RPA2: variants seen among roughly 807,000 people sequenced by gnomAD.
RPA2 encodes replication protein A 32 kDa subunit.
A neutral mutation model predicts 33.4 loss-of-function variants in RPA2; 22 were observed. The ratio of observed to expected loss-of-function variants is 0.66; its 90% CI spans 0.47 to 0.94. The LOEUF (loss-of-function observed/expected upper bound fraction) is 0.94. Among genes scored for constraint, RPA2 ranks in the 40% least tolerant of loss-of-function variants. The pLI is 0.00. For synonymous variants in RPA2, 109 were observed against 114.9 expected, an observed-to-expected ratio of 0.95 and a Z score of 0.33; for missense variants, 279 against 329.9, an observed-to-expected ratio of 0.85 and a Z score of 1.19.
At chr1:27,914,625 A>C (rs773626515), upstream of RPA2, 1 of 1,613,870 alleles carries the variant, frequency 6.2e-7, no homozygotes, top group East Asian at 2.2e-5. Context: ...ATCGGTGCTC[A>C]CGGATGCTAC....
In RPA2 at chr1:27,907,256, G is replaced by A. The variant is rs889276630; in HGVS notation, c.144C>T (p.Pro48=). Residue 48 remains proline (P), a synonymous_variant, in exon 3 of 9, where the codon CCC becomes CCT. Transcript: ENST00000373912. ...CAGAAAGCAGCTGAGATATAGTACA[G>A]GGCACAATGTGCTGGGCTCGGGCTC... The part of the protein sequence containing the change: ...KSRARAQHIV[P]CTISQLLSAT... 6.2e-7 allele frequency: 1 copy of A among 1,612,776 alleles called. No individual in the cohort carries two copies. Among genetic ancestry groups the A allele is most frequent in the East Asian group, 2.2e-5 (1 of 44,860 alleles).
At chr1:27,892,960 G>C (rs550814633) in intron 8 of RPA2, among the ~76,000 whole-genome samples, 1 of 152,272 alleles carries the variant, frequency 6.6e-6, no homozygotes, top group South Asian at 2.1e-4. Context: ...TACTACACTG[G>C]AATCAGGAGG....
intron 2 of RPA2, among the ~76,000 whole-genome samples, chr1:27,913,101 T>A (rs2090120581): frequency 6.6e-6 from 1 of 151,866 alleles, no homozygotes; most frequent in Non-Finnish European, 1.5e-5. Context: ...TACAGGTGCC[T>A]GCCACCACGC....
In RPA2 at chr1:27,914,488, G is replaced by A. The variant is rs758689274; in HGVS notation, c.-45C>T. 3 of 1,594,010 alleles carry A rather than the reference G, an allele frequency of 1.9e-6. No homozygotes were observed. Among genetic ancestry groups the A allele is most frequent in the Admixed American group, 3.5e-5 (2 of 57,578 alleles). ...AAAGAGGCCGAGAAGGTGCGGGTCT[G>A]GGGGAATAGCGGAAAACCACAGAAC... On this transcript the variant is annotated 5_prime_UTR_variant, in exon 1 of 9. Coordinates refer to ENST00000373912, the MANE Select transcript of RPA2 (RefSeq NM_002946.5).
chr1:27,911,355 G>C (rs2090093797), intron 2 of RPA2, among the ~76,000 whole-genome samples: 1 of 152,034 alleles, frequency 6.6e-6, no homozygotes, highest in South Asian at 2.1e-4. Flanking sequence ...GTGACACCCT[G>C]TCTCCACAAA....
Position 27,892,861 on chromosome 1 carries a change from TTTC to T in RPA2, c.729-617_729-615del, listed in dbSNP as rs563337282. Among the ~76,000 whole-genome samples the T allele has an allele frequency of 2.1e-3, 325 of 152,340 alleles. 2 individuals carry two copies. Among genetic ancestry groups the T allele is most frequent in the African/African-American group, 7.4e-3 (309 of 41,578 alleles). On this transcript the variant is annotated intron_variant, in intron 8 of 8. Coordinates refer to ENST00000373912, the MANE Select transcript of RPA2 (RefSeq NM_002946.5). ...CAGGAAATGGAATCAGCCCTGAGCA[TTTC>T]TTATCTATCTAGGCCTGGCAGGTCA...
At chr1:27,906,096 G>A (rs535939020) in intron 4 of RPA2, among the ~76,000 whole-genome samples, 51 of 152,274 alleles carry the variant, frequency 3.3e-4, no homozygotes, top group Middle Eastern at 3.4e-3. Flanking sequence ...TAGGCCGGGC[G>A]TGAGGGCTCA....
chr1:27,904,464 A>G (rs1180367604), intron 4 of RPA2, among the ~76,000 whole-genome samples: 1 of 152,172 alleles, frequency 6.6e-6, no homozygotes, highest in Non-Finnish European at 1.5e-5. Flanking sequence ...GCTTGATGGC[A>G]GGGACTGTGT....
intron 2 of RPA2, among the ~76,000 whole-genome samples, chr1:27,910,240 A>ATACACCCCT (rs1283069495): frequency 6.6e-6 from 1 of 152,214 alleles, no homozygotes; most frequent in Non-Finnish European, 1.5e-5. Flanking sequence ...AACTGGGGAT[A>ATACACCCCT]TACACCTCTT....
At chr1:27,898,578 C>A (rs1355685418) in intron 4 of RPA2, among the ~76,000 whole-genome samples, 5 of 145,806 alleles carry the variant, frequency 3.4e-5, no homozygotes, top group Non-Finnish European at 7.5e-5. Flanking sequence ...AAGTGTCTTG[C>A]TCTGTCACCC....
At chr1:27,895,850 A>T (rs968059251) in intron 6 of RPA2, among the ~76,000 whole-genome samples, 3 of 152,284 alleles carry the variant, frequency 2.0e-5, no homozygotes, top group Non-Finnish European at 4.4e-5. Flanking sequence ...CTCCTTGCCT[A>T]CAACCCTCTC....
intron 2 of RPA2, among the ~76,000 whole-genome samples, chr1:27,913,520 G>A (rs1201385260): frequency 1.3e-5 from 2 of 151,534 alleles, no homozygotes; most frequent in Non-Finnish European, 2.9e-5. Context: ...CCTGGGAGGC[G>A]GAGGTTGCGG....
chr1:27,895,207 T>C (rs901204727), intron 6 of RPA2, among the ~76,000 whole-genome samples: 2 of 152,112 alleles, frequency 1.3e-5, no homozygotes, highest in African/African-American at 2.4e-5. Flanking sequence ...CAAATCCTCA[T>C]TGCCAGCCGG....
At chr1:27,910,864 A>G (rs1191177583) in intron 2 of RPA2, among the ~76,000 whole-genome samples, 2 of 152,090 alleles carry the variant, frequency 1.3e-5, no homozygotes, top group African/African-American at 4.8e-5. Context: ...CTCAATTTTA[A>G]AAGAAAAAAA....
At chr1:27,911,085 A>G (rs1411296164) in intron 2 of RPA2, among the ~76,000 whole-genome samples, 1 of 152,016 alleles carries the variant, frequency 6.6e-6, no homozygotes, top group East Asian at 1.9e-4. Context: ...GAATGGTGGC[A>G]TGCGCCTGTA....
intron 4 of RPA2, among the ~76,000 whole-genome samples, chr1:27,898,264 A>G (rs935004572): frequency 4.6e-5 from 7 of 152,240 alleles, no homozygotes; most frequent in African/African-American, 1.7e-4. Context: ...GATTTATCAT[A>G]GTATAGAATA....
intron 2 of RPA2, among the ~76,000 whole-genome samples, chr1:27,907,955 T>C (rs1016954480): frequency 6.6e-6 from 1 of 152,014 alleles, no homozygotes; most frequent in Non-Finnish European, 1.5e-5. Context: ...CTCAAGCGAT[T>C]CTCCTGGCTC....
At chr1:27,899,983 G>A (rs1365280881) in intron 4 of RPA2, among the ~76,000 whole-genome samples, 1 of 151,558 alleles carries the variant, frequency 6.6e-6, no homozygotes, top group African/African-American at 2.4e-5. Flanking sequence ...CCCGGCTTTT[G>A]TATTTTTAAT....
chr1:27,901,702 AC>A (rs1185067647), intron 4 of RPA2, among the ~76,000 whole-genome samples: 1 of 152,192 alleles, frequency 6.6e-6, no homozygotes, highest in Non-Finnish European at 1.5e-5. Context: ...AACAAAAAAA[AC>A]AAACTTTGGG....
Sources: allele counts gnomAD v4.1 joint callset (sites outside exome capture counted in the v4.1 genomes callset), GRCh38; gene constraint gnomAD v4.1.1; transcripts MANE v1.5; gene names NCBI Gene and HGNC (gene_info 2026-07-23, HGNC 2026-07-21).